INPP5E: variants seen among roughly 807,000 people sequenced by gnomAD.
INPP5E encodes phosphatidylinositol polyphosphate 5-phosphatase type IV.
In INPP5E, 34 loss-of-function variants were observed where a neutral mutation model predicts 50.5. The observed-to-expected ratio is 0.67, with a 90% CI of 0.51 to 0.90. The LOEUF (loss-of-function observed/expected upper bound fraction) is 0.90, where lower values mean the gene tolerates loss of function less well. INPP5E is among the 40% of genes least tolerant of loss of function. The probability of loss-of-function intolerance (pLI) is 0.00; values close to 1 mark genes in which losing one functional copy is unlikely to be tolerated. For missense variants in INPP5E, 942 were observed against 905.5 expected (o/e 1.04, Z -0.52); for synonymous variants, 447 against 406.0 (o/e 1.10, Z -1.21).
In INPP5E at chr9:136,439,456, C is replaced by G; in HGVS notation, c.-37G>C. 7.1e-7 allele frequency: 1 copy of G among 1,405,932 alleles called. No individual in the cohort carries two copies. Among genetic ancestry groups the G allele is most frequent in the South Asian group, 1.5e-5 (1 of 67,490 alleles). The allele number at this position is 1,405,932 out of a possible 1,614,324, so 87.1% of individuals were successfully genotyped here. A position where few individuals can be genotyped will look rare whatever the true frequency, so the allele number is the denominator to read the frequency against. ...CCCGGGGCAGGCCTCGGCGCGAGGC[C>G]GCAGGCAGCGCGAGGGGTCACGGGT... On this transcript the variant is annotated 5_prime_UTR_variant, in exon 1 of 10. Coordinates refer to ENST00000371712, the MANE Select transcript of INPP5E (RefSeq NM_019892.6).
chr9:136,435,680 T>C (rs1019284379), intron 1 of INPP5E: 1 of 152,280 alleles, frequency 6.6e-6, no homozygotes, highest in South Asian at 2.1e-4. Flanking sequence ...CGAGGGCTGG[T>C]AACCCGTCAA....
rs533739662 is a variant in INPP5E, at chr9:136,429,858, G to T, written c.1803-51C>A. The T allele has an allele frequency of 7.4e-6, 11 of 1,494,342 alleles. No individual in the cohort carries two copies. The East Asian group carries it at 2.0e-4, about 28-fold the overall frequency. 92.6% of individuals were successfully genotyped at this position (1,494,342 alleles called of 1,614,324 possible). A position where few individuals can be genotyped will look rare whatever the true frequency, so the allele number is the denominator to read the frequency against. ...AGGGCACCCAGGGCCAGGAGGAGGGGGCGTTAGGAGGGGGCCGGCCCCGGA... is the reference window on the plus strand; with the variant it reads ...AGGGCACCCAGGGCCAGGAGGAGGGTGCGTTAGGAGGGGGCCGGCCCCGGA... On this transcript the variant is annotated intron_variant, in intron 9 of 9. Transcript: ENST00000371712.
chr9:136,430,251 G>C, intron 9 of INPP5E, 26 bp downstream of exon 9: 1 of 1,550,854 alleles, frequency 6.4e-7, no homozygotes, highest in Non-Finnish European at 8.7e-7. Flanking sequence ...AGGCCCAAGG[G>C]GGAAGGTGAG....
chr9:136,438,556 G>T, intron 1 of INPP5E, 52 bp downstream of exon 1: 3 of 1,460,718 alleles, frequency 2.1e-6, no homozygotes, highest in South Asian at 2.4e-5. Context: ...CCAGCAGCCT[G>T]AACACTACAA....
Position 136,438,893 on chromosome 9 carries a change from G to T in INPP5E, c.527C>A (p.Ala176Asp). 2 of 1,583,364 alleles carry T rather than the reference G, an allele frequency of 1.3e-6. No individual in the cohort carries two copies. Among genetic ancestry groups the T allele is most frequent in the Non-Finnish European group, 1.7e-6 (2 of 1,165,172 alleles). Residue 176 changes from alanine (A) to aspartate (D), a missense_variant, in exon 1 of 10, where the codon GCC becomes GAC. Transcript: ENST00000371712. ...SSSPNLPHRD[A>D]AVAGSSPRLP... ...CCTGGGCGAGCTCCCCGCCACGGCG[G>T]CGTCTCTGTGCGGGAGGTTCGGGGA...
intron 6 of INPP5E, 151 bp from the exon 7 acceptor site, chr9:136,432,136 G>A (rs1156579752): frequency 1.0e-6 from 1 of 969,816 alleles, no homozygotes; most frequent in Non-Finnish European, 1.6e-6. Context: ...ATTCGCACTG[G>A]GACAGTTCCA....
rs1388349315 is a variant in INPP5E at position 136,432,941 on chromosome 9, C to T, written c.1279+15G>A. On this transcript the variant is annotated intron_variant, in intron 5 of 9. Transcript: ENST00000371712. ...TCTCACACAGCACCTGCGGTGCGGGCACCAAGCAACTTACAGGTGAAGTGG... is the reference window on the plus strand; with the variant it reads ...TCTCACACAGCACCTGCGGTGCGGGTACCAAGCAACTTACAGGTGAAGTGG... 2.5e-6 allele frequency: 4 copies of T among 1,611,888 alleles called. No homozygotes were observed. The highest frequency in any genetic ancestry group is 3.4e-6 in the Non-Finnish European group (4 of 1,179,224).
rs888552799 is a variant in INPP5E at position 136,434,602 on chromosome 9, C to T, written c.936+138G>A. Reference sequence around the variant, plus strand: ...TACCCACTCTCACCCTCCTGTACTGCGGTTAGCAGTGGGGTGCACCTCGGG... The same window carrying T: ...TACCCACTCTCACCCTCCTGTACTGTGGTTAGCAGTGGGGTGCACCTCGGG... On this transcript the variant is annotated intron_variant, in intron 2 of 9. Coordinates refer to ENST00000371712, the MANE Select transcript of INPP5E (RefSeq NM_019892.6). 4.0e-5 allele frequency: 47 copies of T among 1,184,372 alleles called. No individual in the cohort carries two copies. In the African/African-American group the frequency reaches 4.1e-4, roughly 10 times the overall value. 73.4% of individuals were successfully genotyped at this position (1,184,372 alleles called of 1,614,324 possible). A position where few individuals can be genotyped will look rare whatever the true frequency, so the allele number is the denominator to read the frequency against.
intron 3 of INPP5E, 37 bp downstream of exon 3, chr9:136,434,000 C>T (rs1285771375): frequency 1.3e-6 from 2 of 1,510,344 alleles, no homozygotes; most frequent in Non-Finnish European, 1.8e-6. Flanking sequence ...AGACGGCAGC[C>T]CCTGGGCAGG....
chr9:136,433,320 C>A (rs745532531), intron 3 of INPP5E, 41 bp from the exon 4 acceptor site: 1 of 1,545,276 alleles, frequency 6.5e-7, no homozygotes, highest in Admixed American at 1.9e-5. Flanking sequence ...GACATGGCCT[C>A]CCAGCTCCGC....
Position 136,439,281 on chromosome 9 carries a change from T to C in INPP5E, c.139A>G (p.Ser47Gly). ...GGAGTGCTGCAGGCAAGCGCGGGGC[T>C]CTCGGAGCCCGGAGCATCGGGTGGG... Reference protein sequence around the residue: ...GSPPDAPGSESPALACSTPAT... With the variant: ...GSPPDAPGSEGPALACSTPAT... Residue 47 changes from serine to glycine, a missense_variant, in exon 1 of 10, where the codon AGC becomes GGC. Coordinates refer to ENST00000371712, the MANE Select transcript of INPP5E (RefSeq NM_019892.6). The C allele has an allele frequency of 1.4e-6, 2 of 1,452,084 alleles. No individual in the cohort carries two copies. Among genetic ancestry groups the C allele is most frequent in the Non-Finnish European group, 1.8e-6 (2 of 1,111,666 alleles). The allele number at this position is 1,452,084 out of a possible 1,614,324, so 89.9% of individuals were successfully genotyped here. A position where few individuals can be genotyped will look rare whatever the true frequency, so the allele number is the denominator to read the frequency against.
chr9:136,429,768 G>A lies in INPP5E; in HGVS notation c.1842C>T (p.Tyr614=). The change falls in exon 10 of 10, where the codon TAC becomes TAT. Residue 614 remains tyrosine, a synonymous_variant. Coordinates refer to ENST00000371712, the MANE Select transcript of INPP5E (RefSeq NM_019892.6). ...LAAGKFDREL[Y]LLGIKRRISK... The stretch of plus-strand genomic sequence containing the variant: ...AAATCCGTCTTTTAATTCCTAGTAA[G>A]TACAGTTCTCTATCAAATTTGCCAG... The A allele has an allele frequency of 6.2e-7, 1 of 1,613,918 alleles. No individual in the cohort carries two copies. Among genetic ancestry groups the A allele is most frequent in the Non-Finnish European group, 8.5e-7 (1 of 1,179,970 alleles).
In INPP5E at chr9:136,438,956, G is replaced by T; in HGVS notation, c.464C>A (p.Ser155Tyr). Residue 155 changes from serine to tyrosine, a missense_variant, in exon 1 of 10, where the codon TCC becomes TAC. Ser to Tyr is a moderately radical substitution (Grantham distance 144). Coordinates refer to ENST00000371712, the MANE Select transcript of INPP5E (RefSeq NM_019892.6). ...GVLSSERGSP[S>Y]SGGNPLSGVA... is the part of the protein sequence containing the mutation. ...CCCAGAGAGAGGGTTACCCCCCGAG[G>T]ACGGGCTCCCTCTCTCACTGCTCAG... is the stretch of plus-strand genomic sequence containing the variant. 6.4e-7 allele frequency: 1 copy of T among 1,571,748 alleles called. No homozygotes were observed. Among genetic ancestry groups the T allele is most frequent in the Non-Finnish European group, 8.6e-7 (1 of 1,158,866 alleles).
chr9:136,430,061 GCCC>G lies in INPP5E; in HGVS notation c.1802+213_1802+215del, dbSNP rs34184721. 0.2 allele frequency among the ~76,000 whole-genome samples: 30,859 copies of G among 152,060 alleles called. 3,735 individuals carry two copies. The highest frequency in any genetic ancestry group is 0.28 in the Non-Finnish European group (18,946 of 67,914). On this transcript the variant is annotated intron_variant, in intron 9 of 9. Transcript: ENST00000371712. ...TCGTCCCTCCAGCTGGCCACACCCA[GCCC>G]CCCAGCTGGGCCTCTCTTCACTTTC...
chr9:136,429,871 G>C, intron 9 of INPP5E, 64 bp from the exon 10 acceptor site: 13 of 1,264,958 alleles, frequency 1.0e-5, no homozygotes, highest in African/African-American at 8.9e-5. Context: ...GTTAGGAGGG[G>C]GCCGGCCCCG....
rs1274261606 is a variant in INPP5E, at chr9:136,437,671, G to A, written c.812+937C>T. On this transcript the variant is annotated intron_variant, in intron 1 of 9. Transcript: ENST00000371712. The stretch of plus-strand genomic sequence containing the variant: ...GTGGTCATGAGTTACAACGGCCCCA[G>A]GACACCAACACAGAAACCACCTCAC... The A allele has an allele frequency of 2.0e-5, 3 of 152,396 alleles. No individual in the cohort carries two copies. The East Asian group carries it at 5.8e-4, about 29-fold the overall frequency. The allele number at this position is 152,396 out of a possible 1,614,324, so 9.4% of individuals were successfully genotyped here.
chr9:136,434,147 A>T lies in INPP5E; in HGVS notation c.937-13T>A, dbSNP rs772509628. ...TGGGCGGGAGCTCCTGGAAGGAGGG[A>T]GCATGTGGTGGGCCGGCTCCTCCCG... On this transcript the variant is annotated splice_polypyrimidine_tract_variant and intron_variant, in intron 2 of 9. Coordinates refer to ENST00000371712, the MANE Select transcript of INPP5E (RefSeq NM_019892.6). 1 of 1,593,136 alleles carries T rather than the reference A, an allele frequency of 6.3e-7. No individual in the cohort carries two copies. The highest frequency in any genetic ancestry group is 2.2e-5 in the East Asian group (1 of 44,474).
intron 6 of INPP5E, 21 bp downstream of exon 6, chr9:136,432,458 A>ATG: frequency 6.7e-7 from 1 of 1,482,418 alleles, no homozygotes; most frequent in Non-Finnish European, 9.2e-7. Flanking sequence ...CACCACCCAC[A>ATG]CGCAGCGTGG....
Position 136,429,700 on chromosome 9 carries a change from G to C in INPP5E, c.1910C>G (p.Ser637Cys). The C allele has an allele frequency of 6.2e-7, 1 of 1,614,104 alleles. No individual in the cohort carries two copies. Among genetic ancestry groups the C allele is most frequent in the Non-Finnish European group, 8.5e-7 (1 of 1,180,032 alleles). The change falls in exon 10 of 10, where the codon TCC becomes TGC. Residue 637 changes from serine to cysteine, a missense_variant. Coordinates refer to ENST00000371712, the MANE Select transcript of INPP5E (RefSeq NM_019892.6). ...TCAAGAAACGGAGCAGATGGTGCTG[G>C]AGTTCTGACTCTGTAGTGCTTGCTG... ...QRQQALQSQN[S>C]STICSVS
Sources: allele counts gnomAD v4.1 joint callset (sites outside exome capture counted in the v4.1 genomes callset), GRCh38; gene constraint gnomAD v4.1.1; transcripts MANE v1.5; gene names NCBI Gene and HGNC (gene_info 2026-07-23, HGNC 2026-07-21).